IMMP2L: variants seen among roughly 807,000 people sequenced by gnomAD.
IMMP2L encodes the protein inner mitochondrial membrane peptidase subunit 2.
IMMP2L carries 18 observed loss-of-function variants against 19.3 expected under a neutral mutation model. The ratio of observed to expected loss-of-function variants is 0.93; its 90% CI spans 0.64 to 1.38. The LOEUF is 1.38. Among genes scored for constraint, IMMP2L ranks in the 40% most tolerant of loss-of-function variants. The probability of loss-of-function intolerance (pLI) is 0.00; values close to 1 mark genes in which losing one functional copy is unlikely to be tolerated. For missense variants in IMMP2L, 233 were observed against 218.2 expected (o/e 1.07, Z -0.43); for synonymous variants, 76 against 73.0 (o/e 1.04, Z -0.21).
At chr7:111,374,907 T>C (rs528498537) in intron 3 of IMMP2L, among the ~76,000 whole-genome samples, 1 of 152,290 alleles carries the variant, frequency 6.6e-6, no homozygotes, top group Non-Finnish European at 1.5e-5. Context: ...TCTAGACTTT[T>C]GTTTTCAGAG....
At chr7:111,255,385 A>G (rs1210255325) in intron 3 of IMMP2L, among the ~76,000 whole-genome samples, 5 of 152,108 alleles carry the variant, frequency 3.3e-5, no homozygotes, top group African/African-American at 1.2e-4. Flanking sequence ...TGGGAGAGGT[A>G]GTGAGAGAAA....
At chr7:111,239,491 T>C (rs2129628625) in intron 3 of IMMP2L, among the ~76,000 whole-genome samples, 1 of 152,090 alleles carries the variant, frequency 6.6e-6, no homozygotes, top group Admixed American at 6.6e-5. Flanking sequence ...CAATCTATCA[T>C]ATTTACCAAA....
intron 3 of IMMP2L, among the ~76,000 whole-genome samples, chr7:111,039,334 CAT>C (rs1322412719): frequency 2.0e-5 from 3 of 152,142 alleles, no homozygotes; most frequent in African/African-American, 7.2e-5. Context: ...GAGTCAAAAA[CAT>C]GTTCAAAACA....
intron 3 of IMMP2L, among the ~76,000 whole-genome samples, chr7:111,402,060 C>T (rs889964111): frequency 7.9e-5 from 12 of 151,052 alleles, no homozygotes; most frequent in East Asian, 5.9e-4. Context: ...TAGTGAGCTA[C>T]GACTGTGCTT....
At chr7:111,023,218 A>T (rs879229141) in intron 3 of IMMP2L, among the ~76,000 whole-genome samples, 1 of 152,222 alleles carries the variant, frequency 6.6e-6, no homozygotes, top group Admixed American at 6.5e-5. Flanking sequence ...AATGTAAGGG[A>T]TTATTGAAAG....
intron 3 of IMMP2L, among the ~76,000 whole-genome samples, chr7:111,294,058 C>T (rs928646473): frequency 6.6e-6 from 1 of 151,882 alleles, no homozygotes; most frequent in Non-Finnish European, 1.5e-5. Flanking sequence ...TTAGAAGCAA[C>T]TAAACATCAA....
chr7:111,390,184 C>A (rs1052747841), intron 3 of IMMP2L, among the ~76,000 whole-genome samples: 1 of 152,104 alleles, frequency 6.6e-6, no homozygotes, highest in Non-Finnish European at 1.5e-5. Context: ...GAACCGCCCT[C>A]CCTTGGGGTA....
chr7:111,229,626 T>C (rs1813505180), intron 3 of IMMP2L, among the ~76,000 whole-genome samples: 1 of 151,960 alleles, frequency 6.6e-6, no homozygotes. Context: ...TAACTTACCA[T>C]TGGGAGAAAC....
chr7:111,182,170 A>G (rs186566783), intron 3 of IMMP2L, among the ~76,000 whole-genome samples: 1 of 152,090 alleles, frequency 6.6e-6, no homozygotes, highest in Non-Finnish European at 1.5e-5. Context: ...AATCAAATCT[A>G]TCTAACTGTC....
chr7:110,958,304 C>A (rs968032697), intron 4 of IMMP2L, among the ~76,000 whole-genome samples: 1 of 151,970 alleles, frequency 6.6e-6, no homozygotes, highest in Non-Finnish European at 1.5e-5. Flanking sequence ...CAATAACAAA[C>A]TTGACCCAAT....
intron 5 of IMMP2L, chr7:110,724,392 A>T (rs1027727001): frequency 6.6e-6 from 1 of 152,166 alleles, no homozygotes; most frequent in Admixed American, 6.5e-5. Flanking sequence ...TTAACTTCCA[A>T]ACTGGGTATC....
At chr7:110,822,281 C>A (rs138822187) in intron 5 of IMMP2L, among the ~76,000 whole-genome samples, 56 of 152,268 alleles carry the variant, frequency 3.7e-4, no homozygotes, top group Non-Finnish European at 6.6e-4. Flanking sequence ...TCAACTCTAT[C>A]TTCATCCCCA....
At chr7:111,482,636 A>G (rs1026389356) in intron 3 of IMMP2L, among the ~76,000 whole-genome samples, 3 of 151,520 alleles carry the variant, frequency 2.0e-5, no homozygotes, top group South Asian at 2.1e-4. Flanking sequence ...CCAAGAAACT[A>G]AAAAAAAACC....
chr7:111,026,932 T>C (rs1318945436), intron 3 of IMMP2L, among the ~76,000 whole-genome samples: 1 of 152,104 alleles, frequency 6.6e-6, no homozygotes, highest in African/African-American at 2.4e-5. Context: ...CCTGGGGCCT[T>C]ACAAAAGACG....
At chr7:111,173,753 A>C (rs1447878528) in intron 3 of IMMP2L, among the ~76,000 whole-genome samples, 1 of 151,690 alleles carries the variant, frequency 6.6e-6, no homozygotes, top group Non-Finnish European at 1.5e-5. Context: ...ACTAGGGCTA[A>C]TAACAGTCCT....
chr7:110,865,048 TTAAC>T (rs1434459509), intron 5 of IMMP2L, among the ~76,000 whole-genome samples: 2 of 152,080 alleles, frequency 1.3e-5, no homozygotes, highest in Non-Finnish European at 2.9e-5. Flanking sequence ...GTTCAAATAT[TTAAC>T]TATTCTTACC....
In IMMP2L at chr7:110,663,335, G is replaced by A. The variant is rs1488916168; in HGVS notation, c.*267C>T. 6 of 289,822 alleles carry A rather than the reference G, an allele frequency of 2.1e-5. No individual in the cohort carries two copies. Among genetic ancestry groups the A allele is most frequent in the East Asian group, 1.6e-4 (2 of 12,484 alleles). 18.0% of individuals were successfully genotyped at this position (289,822 alleles called of 1,614,324 possible). A position where few individuals can be genotyped will look rare whatever the true frequency, so the allele number is the denominator to read the frequency against. ...TTCAGCCCCATTAAGACATGTGGGT[G>A]CAATATTTTTATATTCCCAAAGGTC... On this transcript the variant is annotated 3_prime_UTR_variant, in exon 6 of 6. Coordinates refer to ENST00000405709, the MANE Select transcript of IMMP2L (RefSeq NM_032549.4).
At chr7:110,805,599 T>C (rs1391184106) in intron 5 of IMMP2L, among the ~76,000 whole-genome samples, 1 of 152,070 alleles carries the variant, frequency 6.6e-6, no homozygotes, top group East Asian at 1.9e-4. Flanking sequence ...AAAATTTTGC[T>C]ATTACACTAA....
chr7:111,327,192 T>C (rs1348373322), intron 3 of IMMP2L, among the ~76,000 whole-genome samples: 2 of 151,676 alleles, frequency 1.3e-5, no homozygotes, highest in African/African-American at 2.4e-5. Context: ...ATAGTTTAAT[T>C]CATAAAGGCA....
Sources: gnomAD v4.1 joint callset for allele counts (sites outside exome capture counted in the v4.1 genomes callset) on GRCh38, gnomAD v4.1.1 for gene constraint, MANE v1.5 for transcripts, NCBI Gene and HGNC (gene_info 2026-07-23, HGNC 2026-07-21) for gene names.